The following ADAMTS6 variants were observed in gnomAD, a reference collection of about 807,000 sequenced individuals.
ADAMTS6 encodes ADAM metallopeptidase with thrombospondin type 1 motif 6.
Under a neutral mutation model 144.3 loss-of-function variants are expected in ADAMTS6, and 23 were observed. The ratio of observed to expected loss-of-function variants is 0.16; its 90% CI spans 0.11 to 0.23. ADAMTS6 has a LOEUF of 0.23. ADAMTS6 is among the 10% of genes least tolerant of loss of function. The pLI is 1.00. For missense variants in ADAMTS6, 999 were observed against 1,379.6 expected (o/e 0.72, Z 4.37); for synonymous variants, 444 against 457.5 (o/e 0.97, Z 0.38).
In ADAMTS6 at chr5:65,196,075, G is replaced by A. The variant is rs144137261; in HGVS notation, c.2705+947C>T. ...CTCTCTCCTTGTTAATCCCTTTACAGTGAGTTGTATTGCTGCATTAATCAA... is the reference window on the plus strand; with the variant it reads ...CTCTCTCCTTGTTAATCCCTTTACAATGAGTTGTATTGCTGCATTAATCAA... On this transcript the variant is annotated intron_variant, in intron 21 of 24. Coordinates refer to ENST00000381055, the MANE Select transcript of ADAMTS6 (RefSeq NM_197941.4). Among the ~76,000 whole-genome samples the A allele has an allele frequency of 1.9e-3, 294 of 152,276 alleles. 1 individual carries two copies. The highest frequency in any genetic ancestry group is 6.8e-3 in the African/African-American group (283 of 41,562).
At chr5:65,238,862 C>T (rs1184298284) in intron 15 of ADAMTS6, among the ~76,000 whole-genome samples, 2 of 152,036 alleles carry the variant, frequency 1.3e-5, no homozygotes, top group East Asian at 1.9e-4. Context: ...TCAGTTTTTC[C>T]CTCAATTGAT....
intron 7 of ADAMTS6, among the ~76,000 whole-genome samples, chr5:65,436,551 C>T (rs946961542): frequency 1.3e-5 from 2 of 151,852 alleles, no homozygotes; most frequent in Admixed American, 6.6e-5. Context: ...TAAAAAAAAT[C>T]TTGGCCGGGC....
At chr5:65,393,531 C>G (rs1580586763) in intron 7 of ADAMTS6, among the ~76,000 whole-genome samples, 1 of 152,244 alleles carries the variant, frequency 6.6e-6, no homozygotes, top group South Asian at 2.1e-4. Flanking sequence ...GTAAACAGAT[C>G]TCTACAATTT....
chr5:65,170,016 C>A (rs1042552929), intron 24 of ADAMTS6, among the ~76,000 whole-genome samples: 1 of 151,844 alleles, frequency 6.6e-6, no homozygotes, highest in Non-Finnish European at 1.5e-5. Context: ...TGCACATGTA[C>A]CCTAAAACTT....
intron 22 of ADAMTS6, among the ~76,000 whole-genome samples, chr5:65,183,519 A>G (rs1423646450): frequency 6.6e-6 from 1 of 152,116 alleles, no homozygotes; most frequent in Non-Finnish European, 1.5e-5. Flanking sequence ...TATAAGGTTC[A>G]GTACTATCTG....
intron 23 of ADAMTS6, among the ~76,000 whole-genome samples, chr5:65,171,796 G>A (rs768282014): frequency 3.3e-5 from 5 of 152,080 alleles, no homozygotes; most frequent in African/African-American, 9.7e-5. Context: ...GTTCTCAAAT[G>A]AGCGTGTCTC....
At chr5:65,221,662 A>C (rs1392753071) in intron 18 of ADAMTS6, among the ~76,000 whole-genome samples, 1 of 152,188 alleles carries the variant, frequency 6.6e-6, no homozygotes, top group African/African-American at 2.4e-5. Flanking sequence ...GCAAGAAAAA[A>C]GAAATAAAGG....
chr5:65,433,701 T>G (rs377220232), intron 7 of ADAMTS6, among the ~76,000 whole-genome samples: 6 of 152,154 alleles, frequency 3.9e-5, no homozygotes, highest in South Asian at 4.1e-4. Flanking sequence ...CAGTTAGGTA[T>G]CACATTACTC....
intron 12 of ADAMTS6, among the ~76,000 whole-genome samples, chr5:65,268,425 T>G (rs1266519279): frequency 6.6e-6 from 1 of 152,212 alleles, no homozygotes; most frequent in Non-Finnish European, 1.5e-5. Context: ...TCGTCAATTA[T>G]GGCATTGCTC....
chr5:65,360,771 GAA>G (rs1749754373), intron 7 of ADAMTS6, among the ~76,000 whole-genome samples: 1 of 152,130 alleles, frequency 6.6e-6, no homozygotes, highest in East Asian at 1.9e-4. Flanking sequence ...CGACACCTAA[GAA>G]AAAGAGTGAA....
rs199907451 is a variant in ADAMTS6, at chr5:65,151,951, G to A, written c.3245-6C>T. 341 of 1,605,850 alleles carry A rather than the reference G, an allele frequency of 2.1e-4. 3 individuals carry two copies. The East Asian group carries it at 6.7e-3, about 32-fold the overall frequency. ...TTTATTCACATCTTTGCACTCTAAC[G>A]AATGGGGGCAGAAAATGGAAAACAA... On this transcript the variant is annotated splice_region_variant and splice_polypyrimidine_tract_variant and intron_variant, in intron 24 of 24. Transcript: ENST00000381055.
At chr5:65,456,640 G>A (rs545693792) in intron 4 of ADAMTS6, among the ~76,000 whole-genome samples, 2 of 152,196 alleles carry the variant, frequency 1.3e-5, no homozygotes, top group African/African-American at 4.8e-5. Flanking sequence ...CCAGCACCTA[G>A]AATAGCCTTG....
intron 7 of ADAMTS6, among the ~76,000 whole-genome samples, chr5:65,382,847 C>A (rs1410315567): frequency 1.3e-5 from 2 of 152,132 alleles, no homozygotes; most frequent in African/African-American, 4.8e-5. Flanking sequence ...TAACAAAATA[C>A]CTTAAACAGG....
intron 7 of ADAMTS6, among the ~76,000 whole-genome samples, chr5:65,403,558 A>T (rs1754128469): frequency 6.6e-6 from 1 of 152,134 alleles, no homozygotes; most frequent in Non-Finnish European, 1.5e-5. Context: ...TAAAACTTTC[A>T]CATTTTCATT....
intron 7 of ADAMTS6, among the ~76,000 whole-genome samples, chr5:65,426,566 A>C (rs1255528837): frequency 6.6e-6 from 1 of 152,138 alleles, no homozygotes; most frequent in African/African-American, 2.4e-5. Flanking sequence ...GGAAGATAAA[A>C]ACAACACTTT....
At chr5:65,444,721 G>A (rs917883663) in intron 7 of ADAMTS6, among the ~76,000 whole-genome samples, 2 of 152,140 alleles carry the variant, frequency 1.3e-5, no homozygotes, top group Non-Finnish European at 2.9e-5. Flanking sequence ...AGATCACTGA[G>A]GGCCATCCTA....
chr5:65,387,588 C>G (rs1470355422), intron 7 of ADAMTS6, among the ~76,000 whole-genome samples: 1 of 152,174 alleles, frequency 6.6e-6, no homozygotes, highest in Non-Finnish European at 1.5e-5. Context: ...GAGTTTCTTA[C>G]TCTCCGAGTA....
At chr5:65,191,669 A>T (rs1755023238) in intron 21 of ADAMTS6, among the ~76,000 whole-genome samples, 1 of 152,116 alleles carries the variant, frequency 6.6e-6, no homozygotes, top group Non-Finnish European at 1.5e-5. Context: ...ACTTAAAAAA[A>T]TTTCAAAACA....
intron 1 of ADAMTS6, among the ~76,000 whole-genome samples, chr5:65,476,584 T>A (rs2150292280): frequency 6.6e-6 from 1 of 152,244 alleles, no homozygotes; most frequent in African/African-American, 2.4e-5. Flanking sequence ...CAGTCAACAG[T>A]AGTTAATAAC....
Sources: gnomAD v4.1 joint callset for allele counts (sites outside exome capture counted in the v4.1 genomes callset) on GRCh38, gnomAD v4.1.1 for gene constraint, MANE v1.5 for transcripts, NCBI Gene and HGNC (gene_info 2026-07-23, HGNC 2026-07-21) for gene names.